Variants in INTS9 observed in about 807,000 individuals in gnomAD.
The protein encoded by INTS9 is integrator complex subunit 9.
INTS9 carries 55 observed loss-of-function variants against 79.7 expected under a neutral mutation model. The ratio of observed to expected loss-of-function variants is 0.69; its 90% CI spans 0.56 to 0.86. INTS9 has a LOEUF of 0.86. Among genes scored for constraint, INTS9 ranks in the 40% least tolerant of loss-of-function variants. The pLI, the probability that INTS9 is intolerant of heterozygous loss-of-function variation, is 0.00. For missense variants in INTS9, 721 were observed against 831.5 expected, an observed-to-expected ratio of 0.87 and a Z score of 1.64; for synonymous variants, 319 against 325.2, an observed-to-expected ratio of 0.98 and a Z score of 0.20.
chr8:28,845,188 T>C (rs1229875944), intron 4 of INTS9, among the ~76,000 whole-genome samples: 1 of 152,214 alleles, frequency 6.6e-6, no homozygotes, highest in Non-Finnish European at 1.5e-5. Context: ...CATTTACTGG[T>C]TGCGTACTGT....
chr8:28,879,800 A>C (rs1276038194), intron 1 of INTS9, among the ~76,000 whole-genome samples: 1 of 152,182 alleles, frequency 6.6e-6, no homozygotes, highest in African/African-American at 2.4e-5. Flanking sequence ...CAAATGAAAG[A>C]AGATGTCTTA....
intron 9 of INTS9, among the ~76,000 whole-genome samples, chr8:28,794,898 T>C (rs947824819): frequency 6.6e-6 from 1 of 152,148 alleles, no homozygotes; most frequent in Non-Finnish European, 1.5e-5. Flanking sequence ...AAATGTAAGG[T>C]TCCTTTCAAG....
chr8:28,846,658 G>T, intron 4 of INTS9, 89 bp downstream of exon 4: 1 of 971,038 alleles, frequency 1.0e-6, no homozygotes, highest in Non-Finnish European at 1.7e-6. Flanking sequence ...AAAACAGGAA[G>T]CTAAGCCTCT....
intron 9 of INTS9, among the ~76,000 whole-genome samples, chr8:28,796,084 C>T (rs930320391): frequency 1.3e-4 from 20 of 152,154 alleles, no homozygotes; most frequent in African/African-American, 3.1e-4. Flanking sequence ...CCAAAGCGGG[C>T]GGATTGCCTG....
chr8:28,842,114 G>A (rs1296224080), intron 4 of INTS9, among the ~76,000 whole-genome samples: 5 of 152,110 alleles, frequency 3.3e-5, no homozygotes, highest in African/African-American at 4.8e-5. Flanking sequence ...AAAAGTAAAT[G>A]TACTTTAGTG....
chr8:28,815,028 G>A (rs958460194), intron 6 of INTS9, among the ~76,000 whole-genome samples: 2 of 152,038 alleles, frequency 1.3e-5, no homozygotes, highest in Admixed American at 6.6e-5. Context: ...CCATAAATTT[G>A]AGAAAAGTCT....
chr8:28,887,335 G>A (rs1232661837), intron 1 of INTS9, among the ~76,000 whole-genome samples: 1 of 152,114 alleles, frequency 6.6e-6, no homozygotes, highest in Non-Finnish European at 1.5e-5. Context: ...AATTTGAGAG[G>A]GTTAAGACTG....
chr8:28,773,640 C>T (rs1204474137), intron 14 of INTS9, among the ~76,000 whole-genome samples: 1 of 151,442 alleles, frequency 6.6e-6, no homozygotes, highest in African/African-American at 2.4e-5. Context: ...CAACCTCAGC[C>T]TCCCGAGTAG....
chr8:28,771,186 T>A, intron 14 of INTS9, 106 bp from the exon 15 acceptor site: 1 of 927,108 alleles, frequency 1.1e-6, no homozygotes, highest in South Asian at 1.4e-5. Context: ...GAAATAACTT[T>A]AAAGGTAAAC....
chr8:28,809,185 C>T (rs1385323676), intron 8 of INTS9, among the ~76,000 whole-genome samples: 2 of 152,120 alleles, frequency 1.3e-5, no homozygotes, highest in East Asian at 3.8e-4. Flanking sequence ...TCTCCAATTC[C>T]TGGGCTCAAG....
chr8:28,835,454 G>T, intron 5 of INTS9, 76 bp from the exon 6 acceptor site: 1 of 882,394 alleles, frequency 1.1e-6, no homozygotes, highest in Non-Finnish European at 1.6e-6. Flanking sequence ...CAGTTGGCCA[G>T]GAGAAATGAC....
intron 1 of INTS9, among the ~76,000 whole-genome samples, chr8:28,888,875 T>C (rs1810356041): frequency 2.6e-5 from 4 of 152,184 alleles, no homozygotes; most frequent in Admixed American, 2.6e-4. Context: ...TGGCAAAGCA[T>C]GTTCAGATAA....
chr8:28,774,165 T>C (rs1045192738), intron 14 of INTS9, among the ~76,000 whole-genome samples: 3 of 152,146 alleles, frequency 2.0e-5, no homozygotes, highest in Admixed American at 6.6e-5. Flanking sequence ...AAGACGACAG[T>C]GTATGAGGTG....
At chr8:28,792,108 A>G (rs1268462523) in intron 10 of INTS9, among the ~76,000 whole-genome samples, 2 of 152,240 alleles carry the variant, frequency 1.3e-5, no homozygotes, top group African/African-American at 4.8e-5. Flanking sequence ...TTGGCCAAAG[A>G]ATGAATGGAT....
At chr8:28,862,934 G>T (rs532904274) in intron 1 of INTS9, among the ~76,000 whole-genome samples, 113 of 152,284 alleles carry the variant, frequency 7.4e-4, no homozygotes, top group African/African-American at 2.5e-3. Context: ...GTGTGATTTT[G>T]GGAAAGTTAC....
At chr8:28,875,295 A>G (rs954488803) in intron 1 of INTS9, among the ~76,000 whole-genome samples, 4 of 152,224 alleles carry the variant, frequency 2.6e-5, no homozygotes, top group Admixed American at 2.0e-4. Context: ...AAAGCAAAAA[A>G]AATACATAAT....
At chr8:28,882,899 A>C (rs1444159420) in intron 1 of INTS9, among the ~76,000 whole-genome samples, 1 of 152,206 alleles carries the variant, frequency 6.6e-6, no homozygotes, top group African/African-American at 2.4e-5. Context: ...TTTTTCTCAC[A>C]GTAAAGTTCC....
At chr8:28,799,148 T>C (rs1217631711) in intron 8 of INTS9, among the ~76,000 whole-genome samples, 1 of 151,896 alleles carries the variant, frequency 6.6e-6, no homozygotes, top group Non-Finnish European at 1.5e-5. Flanking sequence ...TACAAATAAT[T>C]AGCTAGGCGT....
chr8:28,816,623 T>G (rs1223516133), intron 6 of INTS9, among the ~76,000 whole-genome samples: 2 of 149,984 alleles, frequency 1.3e-5, no homozygotes, highest in Non-Finnish European at 3.0e-5. Context: ...TACGTGTGCA[T>G]GTGTCTTTAT....
Sources: allele counts gnomAD v4.1 joint callset (sites outside exome capture counted in the v4.1 genomes callset), GRCh38; gene constraint gnomAD v4.1.1; transcripts MANE v1.5; gene names NCBI Gene and HGNC (gene_info 2026-07-23, HGNC 2026-07-21).